Variants in NOD2 observed in about 807,000 individuals in gnomAD.
NOD2 encodes nucleotide-binding oligomerization domain-containing protein 2.
Under a neutral mutation model 90.9 loss-of-function variants are expected in NOD2, and 86 were observed. The ratio of observed to expected loss-of-function variants is 0.95; its 90% CI spans 0.79 to 1.13. The LOEUF (loss-of-function observed/expected upper bound fraction) is 1.13. Among genes scored for constraint, NOD2 ranks in the 50% most tolerant of loss-of-function variants. NOD2 has a pLI of 0.00. For missense variants in NOD2, 1,238 were observed against 1,283.8 expected (o/e 0.96, Z 0.55); for synonymous variants, 581 against 554.6 (o/e 1.05, Z -0.67).
chr16:50,715,476 G>T (rs565159646), intron 4 of NOD2: 1 of 151,884 alleles, frequency 6.6e-6, no homozygotes, highest in Non-Finnish European at 1.5e-5. Flanking sequence ...GGGTACAGTG[G>T]CACAATCTCG....
chr16:50,719,870 C>T (rs1567401547), intron 6 of NOD2, 55 bp from the exon 7 acceptor site: 2 of 1,512,322 alleles, frequency 1.3e-6, no homozygotes, highest in Non-Finnish European at 1.8e-6. Flanking sequence ...CACAGACGGC[C>T]CTCCTTTTCT....
At chr16:50,706,698 CTTT>C (rs529592403) in intron 2 of NOD2, among the ~76,000 whole-genome samples, 12 of 140,536 alleles carry the variant, frequency 8.5e-5, no homozygotes, top group Non-Finnish European at 7.8e-5. Context: ...CTATTTCTTT[CTTT>C]TTTTTTTTTT....
intron 1 of NOD2, chr16:50,697,137 TGGTA>T: frequency 1.0e-6 from 1 of 985,806 alleles, no homozygotes; most frequent in South Asian, 1.4e-5. Context: ...AAGGTGGGGT[TGGTA>T]GACAGATCCA....
At chr16:50,707,006 C>T (rs564545870) in intron 2 of NOD2, among the ~76,000 whole-genome samples, 12 of 152,262 alleles carry the variant, frequency 7.9e-5, no homozygotes, top group Non-Finnish European at 1.6e-4. Flanking sequence ...CCATATCTTG[C>T]TATTTTCTAC....
Position 50,712,337 on chromosome 16 carries a change from AGCTGCTGCCTT to A in NOD2, c.2348_2358del (p.Leu783ProfsTer12). The A allele has an allele frequency of 6.2e-7, 1 of 1,614,002 alleles. No homozygotes were observed. Among genetic ancestry groups the A allele is most frequent in the Non-Finnish European group, 8.5e-7 (1 of 1,180,024 alleles). On this transcript the variant is annotated frameshift_variant, in exon 4 of 12. Transcript: ENST00000647318. LOFTEE classifies it high-confidence loss of function. ...TCTGTGGGTGACATTGGCGTGGAGC[AGCTGCTGCCTT>A]GCCTTGGTGTCTGCAAGGCTCTGTA...
At chr16:50,717,053 G>A (rs1013124328) in intron 6 of NOD2, 79 bp downstream of exon 6, 2 of 1,256,044 alleles carry the variant, frequency 1.6e-6, no homozygotes, top group African/African-American at 2.9e-5. Context: ...TCTTGGCCTG[G>A]CACTGCCCAC....
intron 6 of NOD2, 109 bp downstream of exon 6, chr16:50,717,083 A>G (rs1964835289): frequency 1.1e-6 from 1 of 910,592 alleles, no homozygotes. Context: ...TGACCTCCTG[A>G]TTGAATGCAG....
At position 50,732,026 on chromosome 16, in the gene NOD2, C is replaced by A; in HGVS notation, c.*207C>A. 1.7e-6 allele frequency: 1 copy of A among 588,452 alleles called. No individual in the cohort carries two copies. The highest frequency in any genetic ancestry group is 3.1e-6 in the Non-Finnish European group (1 of 324,654). 36.5% of individuals were successfully genotyped at this position (588,452 alleles called of 1,614,324 possible). On this transcript the variant is annotated 3_prime_UTR_variant, in exon 12 of 12. Transcript: ENST00000647318. Reference sequence around the variant, plus strand: ...CCCTCCAGGATAGACTTTTCCCAAGCCTACTTTTGCCATTGACTTCTTCCC... The same window carrying A: ...CCCTCCAGGATAGACTTTTCCCAAGACTACTTTTGCCATTGACTTCTTCCC...
intron 3 of NOD2, 116 bp from the exon 4 acceptor site, chr16:50,710,442 C>T (rs1964408021): frequency 7.6e-6 from 11 of 1,441,518 alleles, no homozygotes; most frequent in Non-Finnish European, 8.7e-6. Context: ...GATGGGCGCC[C>T]GCTGGCTCTC....
chr16:50,723,099 A>G (rs1038401767), intron 8 of NOD2, among the ~76,000 whole-genome samples: 1 of 151,652 alleles, frequency 6.6e-6, no homozygotes, highest in African/African-American at 2.4e-5. Flanking sequence ...AAAAAAAAAA[A>G]AAGAGCACTG....
Position 50,723,139 on chromosome 16 carries a change from G to GA in NOD2, c.2718-147dup, listed in dbSNP as rs59171756. ...CAATTAGTGATGTCTAAAAAGGGTA[G>GA]AAAAAAAAAAAAAAAGAAAAAAGAA... On this transcript the variant is annotated intron_variant, in intron 8 of 11. Coordinates refer to ENST00000647318, the MANE Select transcript of NOD2 (RefSeq NM_001370466.1). Among the ~76,000 whole-genome samples, 42,937 of 107,512 alleles carry GA rather than the reference G, an allele frequency of 0.4. 7,384 individuals carry two copies. Among genetic ancestry groups the GA allele is most frequent in the Non-Finnish European group, 0.42 (22,158 of 52,416 alleles). 70.5% of individuals were successfully genotyped at this position (107,512 alleles called of 152,430 possible). A position where few individuals can be genotyped will look rare whatever the true frequency, so the allele number is the denominator to read the frequency against.
intron 3 of NOD2, among the ~76,000 whole-genome samples, chr16:50,708,668 G>A (rs1196422449): frequency 1.3e-5 from 2 of 152,184 alleles, no homozygotes; most frequent in Admixed American, 6.5e-5. Context: ...TGCAAGCCTG[G>A]CACTCTTTAG....
At chr16:50,702,145 T>C (rs1200358457) in intron 2 of NOD2, among the ~76,000 whole-genome samples, 1 of 152,132 alleles carries the variant, frequency 6.6e-6, no homozygotes, top group African/African-American at 2.4e-5. Flanking sequence ...CTTGCTATGT[T>C]GAGGTCTCAA....
At chr16:50,722,909 T>C (rs1965124240) in intron 8 of NOD2, among the ~76,000 whole-genome samples, 1 of 152,118 alleles carries the variant, frequency 6.6e-6, no homozygotes, top group African/African-American at 2.4e-5. Flanking sequence ...CTCTCAGGGT[T>C]TTGATACAGT....
intron 10 of NOD2, among the ~76,000 whole-genome samples, chr16:50,728,816 C>T (rs1965354467): frequency 6.6e-6 from 1 of 152,210 alleles, no homozygotes; most frequent in African/African-American, 2.4e-5. Flanking sequence ...CCTGTCTCCC[C>T]TCCCTGTTGT....
intron 1 of NOD2, among the ~76,000 whole-genome samples, chr16:50,695,359 G>A (rs1182418836): frequency 1.3e-5 from 2 of 152,212 alleles, no homozygotes; most frequent in Non-Finnish European, 2.9e-5. Context: ...AGATGATTCT[G>A]AGTGTTTGGC....
intron 10 of NOD2, chr16:50,729,205 C>CG (rs1229921081): frequency 6.3e-6 from 1 of 157,776 alleles, no homozygotes; most frequent in Non-Finnish European, 1.4e-5. Flanking sequence ...GCTCCCACAA[C>CG]ACGTGGGAAT....
At chr16:50,698,354 C>T (rs1596822261) in intron 1 of NOD2, among the ~76,000 whole-genome samples, 2 of 152,108 alleles carry the variant, frequency 1.3e-5, no homozygotes, top group Middle Eastern at 3.2e-3. Flanking sequence ...ACGGTGGTTT[C>T]GAGGGCGTGG....
intron 2 of NOD2, among the ~76,000 whole-genome samples, chr16:50,706,346 C>T (rs368528423): frequency 1.9e-4 from 29 of 152,126 alleles, no homozygotes; most frequent in African/African-American, 5.6e-4. Context: ...GAAATAGGGA[C>T]GCTATTGGGA....
Sources: allele counts gnomAD v4.1 joint callset (sites outside exome capture counted in the v4.1 genomes callset), GRCh38; gene constraint gnomAD v4.1.1; transcripts MANE v1.5; gene names NCBI Gene and HGNC (gene_info 2026-07-23, HGNC 2026-07-21).